The following COL13A1 variants were observed in gnomAD, a reference collection of about 807,000 sequenced individuals.
COL13A1 encodes collagen alpha-1(XIII) chain.
Under a neutral mutation model 130.9 loss-of-function variants are expected in COL13A1, and 89 were observed. That is an observed-to-expected ratio of 0.68 (90% CI 0.57 to 0.81). COL13A1 has a LOEUF of 0.81. Among genes scored for constraint, COL13A1 ranks in the 30% least tolerant of loss-of-function variants. The probability of loss-of-function intolerance (pLI) is 0.00; values close to 1 mark genes in which losing one functional copy is unlikely to be tolerated. For missense variants in COL13A1, 879 were observed against 934.6 expected, an observed-to-expected ratio of 0.94 and a Z score of 0.78; for synonymous variants, 402 against 341.6, an observed-to-expected ratio of 1.18 and a Z score of -1.95.
intron 35 of COL13A1, among the ~76,000 whole-genome samples, chr10:69,942,852 T>C (rs1433743391): frequency 1.3e-5 from 2 of 152,140 alleles, no homozygotes; most frequent in African/African-American, 4.8e-5. Context: ...CCGAGCTGAC[T>C]CCTTATTGTT....
At chr10:69,910,967 C>T (rs2063312287) in intron 17 of COL13A1, among the ~76,000 whole-genome samples, 1 of 152,210 alleles carries the variant, frequency 6.6e-6, no homozygotes, top group African/African-American at 2.4e-5. Flanking sequence ...CTCTTTCAGG[C>T]TGTGGGTTTC....
intron 2 of COL13A1, among the ~76,000 whole-genome samples, chr10:69,841,969 G>C (rs185143654): frequency 6.6e-6 from 1 of 152,316 alleles, no homozygotes; most frequent in Admixed American, 6.5e-5. Context: ...TTTATCCTAA[G>C]AGCAGTGGGG....
intron 1 of COL13A1, among the ~76,000 whole-genome samples, chr10:69,810,347 TGA>T (rs55816117): frequency 0.55 from 65,431 of 119,848 alleles, 18,000 homozygotes; most frequent in Non-Finnish European, 0.6. Flanking sequence ...GCCCTGAGAA[TGA>T]GAGAGAGAGA....
intron 6 of COL13A1, among the ~76,000 whole-genome samples, chr10:69,880,178 G>T (rs2059989436): frequency 6.6e-6 from 1 of 152,026 alleles, no homozygotes; most frequent in African/African-American, 2.4e-5. Context: ...CCGGCCTGGG[G>T]TCCCACCACC....
chr10:69,923,725 C>T, intron 23 of COL13A1, 77 bp from the exon 24 acceptor site: 1 of 1,540,074 alleles, frequency 6.5e-7, no homozygotes, highest in South Asian at 1.2e-5. Flanking sequence ...GCATGAGCGG[C>T]AAGACCATCT....
chr10:69,918,147 G>T, intron 18 of COL13A1, 138 bp from the exon 19 acceptor site: 2 of 652,082 alleles, frequency 3.1e-6, no homozygotes. Flanking sequence ...CCCAGGTGGG[G>T]TTGGTGGTTG....
chr10:69,870,830 G>A (rs1034674165), intron 3 of COL13A1, among the ~76,000 whole-genome samples: 4 of 151,950 alleles, frequency 2.6e-5, no homozygotes, highest in Non-Finnish European at 5.9e-5. Flanking sequence ...TGAGCTTCTC[G>A]GTGGTCAGAG....
Position 69,877,734 on chromosome 10 carries a change from C to T in COL13A1, c.436-305C>T, listed in dbSNP as rs201257270. ...ACACACACACACACACACACACACACACACACACACACGTACGTGCCTCAA... is the reference window on the plus strand; with the variant it reads ...ACACACACACACACACACACACACATACACACACACACGTACGTGCCTCAA... On this transcript the variant is annotated intron_variant, in intron 5 of 40. Coordinates refer to ENST00000645393, the MANE Select transcript of COL13A1 (RefSeq NM_001368882.1). 175 of 424,992 alleles carry T rather than the reference C, an allele frequency of 4.1e-4. 5 individuals are homozygous for T. In the East Asian group the frequency reaches 8.4e-3, roughly 20 times the overall value. The allele number at this position is 424,992 out of a possible 1,614,324, so 26.3% of individuals were successfully genotyped here.
At chr10:69,847,391 G>GACCT (rs781156871) in intron 2 of COL13A1, among the ~76,000 whole-genome samples, 3 of 152,152 alleles carry the variant, frequency 2.0e-5, no homozygotes, top group Non-Finnish European at 2.9e-5. Context: ...AGATAAAAGT[G>GACCT]ACCTACTGCA....
intron 1 of COL13A1, among the ~76,000 whole-genome samples, chr10:69,818,362 AC>A (rs1476367512): frequency 6.6e-6 from 1 of 151,820 alleles, no homozygotes; most frequent in Non-Finnish European, 1.5e-5. Context: ...CCTTTATACC[AC>A]CCAAATTTGA....
chr10:69,932,732 C>A, intron 31 of COL13A1, 128 bp downstream of exon 31: 1 of 659,966 alleles, frequency 1.5e-6, no homozygotes, highest in South Asian at 1.7e-5. Context: ...CACCATAGGT[C>A]AGGCACTGAT....
rs1303356624 is a variant in COL13A1, at chr10:69,890,366, A to G, written c.603+926A>G. On this transcript the variant is annotated intron_variant, in intron 10 of 40. Coordinates refer to ENST00000645393, the MANE Select transcript of COL13A1 (RefSeq NM_001368882.1). ...GCTTTAAAAAAACAAACAAACAGAC[A>G]GACAAACAAAACAGCCCTGGGCTGG... Among the ~76,000 whole-genome samples the G allele has an allele frequency of 2.0e-5, 3 of 152,222 alleles. 1 individual carries two copies. The South Asian group carries it at 6.2e-4, about 32-fold the overall frequency.
At chr10:69,895,174 C>T (rs2061518305) in intron 12 of COL13A1, among the ~76,000 whole-genome samples, 1 of 152,236 alleles carries the variant, frequency 6.6e-6, no homozygotes, top group African/African-American at 2.4e-5. Flanking sequence ...TTGGGACCCC[C>T]ATGGTGCCGG....
intron 17 of COL13A1, among the ~76,000 whole-genome samples, chr10:69,907,512 G>T (rs12780426): frequency 0.092 from 14,036 of 152,140 alleles, 699 homozygotes; most frequent in Middle Eastern, 0.14. Context: ...TGGGCTTGCT[G>T]TTATAACAAA....
chr10:69,823,904 G>A (rs541369411), intron 2 of COL13A1, among the ~76,000 whole-genome samples: 10 of 152,326 alleles, frequency 6.6e-5, no homozygotes, highest in African/African-American at 2.2e-4. Context: ...GGGTGATGGG[G>A]CCTGGGCAGA....
At chr10:69,806,617 A>T (rs1284231820) in intron 1 of COL13A1, among the ~76,000 whole-genome samples, 1 of 152,238 alleles carries the variant, frequency 6.6e-6, no homozygotes, top group Non-Finnish European at 1.5e-5. Flanking sequence ...CTTGCTGTGA[A>T]GAAAGAAGCT....
intron 10 of COL13A1, among the ~76,000 whole-genome samples, chr10:69,891,452 G>A (rs2061161197): frequency 6.6e-6 from 1 of 152,196 alleles, no homozygotes; most frequent in African/African-American, 2.4e-5. Flanking sequence ...ACCGGAGGAA[G>A]GGCACTGGAG....
rs997212703 is a variant in COL13A1, at chr10:69,902,625, C to A, written c.751-123C>A. The A allele has an allele frequency of 3.4e-4, 242 of 705,484 alleles. 1 individual carries two copies. Among genetic ancestry groups the A allele is most frequent in the Non-Finnish European group, 5.1e-4 (223 of 436,364 alleles). 43.7% of individuals were successfully genotyped at this position (705,484 alleles called of 1,614,324 possible). On this transcript the variant is annotated intron_variant, in intron 14 of 40. Transcript: ENST00000645393. ...CACCATCATGCCACCGCTTCCTCCC[C>A]CCATCACCACTCCTTCCCGGCAGAA...
At chr10:69,872,605 CT>C (rs1052543864) in intron 4 of COL13A1, among the ~76,000 whole-genome samples, 41 of 152,362 alleles carry the variant, frequency 2.7e-4, no homozygotes, top group African/African-American at 8.7e-4. Context: ...CCTCCTATGC[CT>C]GCTGATAAGA....
Sources: allele counts gnomAD v4.1 joint callset (sites outside exome capture counted in the v4.1 genomes callset), GRCh38; gene constraint gnomAD v4.1.1; transcripts MANE v1.5; gene names NCBI Gene and HGNC (gene_info 2026-07-23, HGNC 2026-07-21).